The following MYO18A variants were observed in gnomAD, a reference collection of about 807,000 sequenced individuals.
MYO18A encodes the protein unconventional myosin-XVIIIa.
Under a neutral mutation model 235.8 loss-of-function variants are expected in MYO18A, and 78 were observed. The observed-to-expected ratio is 0.33, with a 90% CI of 0.28 to 0.40. MYO18A has a LOEUF of 0.40. MYO18A is among the 10% of genes least tolerant of loss of function. MYO18A has a pLI of 1.00. For missense variants in MYO18A, 2,215 were observed against 2,699.3 expected (o/e 0.82, Z 3.98); for synonymous variants, 977 against 1,077.8 (o/e 0.91, Z 1.83).
chr17:29,074,238 C>A lies in MYO18A; in HGVS notation c.*532G>T. ...TTGGGAGCCCCAGCTACCACTACAG[C>A]CCCCTCCCACTCTCAGGGATGCAGC... On this transcript the variant is annotated 3_prime_UTR_variant, in exon 42 of 42. Transcript: ENST00000527372. This position sits in a 1 kb window ranked among gnomAD's most constrained non-coding sequence, Gnocchi z 4.4. 6.6e-7 allele frequency: 1 copy of A among 1,526,594 alleles called. No individual in the cohort carries two copies. Among genetic ancestry groups the A allele is most frequent in the Non-Finnish European group, 8.9e-7 (1 of 1,126,024 alleles). 94.6% of individuals were successfully genotyped at this position (1,526,594 alleles called of 1,614,324 possible).
In MYO18A at chr17:29,170,779, G is replaced by C. The variant is rs1410901233; in HGVS notation, c.-81-3758C>G. ...TCAGCTGCTCTATCACTTTAAGAGA[G>C]TAAGCATCCCGAAGGCAATGACCAT... On this transcript the variant is annotated intron_variant, in intron 1 of 41. Transcript: ENST00000527372. Among the ~76,000 whole-genome samples the C allele has an allele frequency of 3.3e-5, 5 of 152,202 alleles. No individual in the cohort carries two copies. The East Asian group carries it at 9.6e-4, about 29-fold the overall frequency.
intron 23 of MYO18A, 132 bp from the exon 24 acceptor site, chr17:29,098,577 T>C (rs2066579244): frequency 8.9e-6 from 10 of 1,128,968 alleles, no homozygotes; most frequent in South Asian, 5.6e-5. Context: ...ATGTCCCCAA[T>C]AGCAGAGCCA....
chr17:29,084,437 G>T, intron 40 of MYO18A, among the ~76,000 whole-genome samples: 1 of 152,198 alleles, frequency 6.6e-6, no homozygotes, highest in East Asian at 1.9e-4. Flanking sequence ...GCATCTAGAA[G>T]ATGTTCTTTT....
In MYO18A at chr17:29,140,698, A is replaced by T. The variant is rs2067718738; in HGVS notation, c.1000-18445T>A. ...CCCCAGCTCCGGGACAGCTGGGCTG[A>T]TATGGCTCCTAAAAATAGCAGAGGA... On this transcript the variant is annotated intron_variant, in intron 2 of 41. Transcript: ENST00000527372. The surrounding 1 kb of genome is among the most constrained non-coding windows in gnomAD (Gnocchi z 4.2). Among the ~76,000 whole-genome samples the T allele has an allele frequency of 6.6e-6, 1 of 151,892 alleles. No homozygotes were observed. Among genetic ancestry groups the T allele is most frequent in the Non-Finnish European group, 1.5e-5 (1 of 67,962 alleles).
rs115547998 is a variant in MYO18A, at chr17:29,074,839, T to C, written c.6096A>G (p.Arg2032=). 4.1e-4 allele frequency: 662 copies of C among 1,613,814 alleles called. 1 individual carries two copies. The African/African-American group carries it at 7.7e-3, about 19-fold the overall frequency. Residue 2032 remains arginine, a synonymous_variant, in exon 42 of 42, where the codon AGA becomes AGG. Transcript: ENST00000527372. This position sits in a 1 kb window ranked among gnomAD's most constrained non-coding sequence, Gnocchi z 4.4. ...DEHDPLDNTS[R]PRYSHSYLSD... ...TCAGATAACTGTGGGAGTATCGCGG[T>C]CTGGAGGTGTTGTCGAGAGGGTCGT...
intron 2 of MYO18A, among the ~76,000 whole-genome samples, chr17:29,144,762 T>C (rs1229195187): frequency 3.9e-5 from 6 of 152,188 alleles, no homozygotes; most frequent in Non-Finnish European, 1.5e-5. Context: ...ATACATACGG[T>C]TCTTGGTTAT....
At chr17:29,146,236 C>T (rs1464479053) in intron 2 of MYO18A, among the ~76,000 whole-genome samples, 10 of 151,270 alleles carry the variant, frequency 6.6e-5, no homozygotes, top group African/African-American at 2.0e-4. Flanking sequence ...CCAGCCCGGG[C>T]GACAGAGAGA....
Position 29,166,231 on chromosome 17 carries a change from C to G in MYO18A, c.710G>C (p.Arg237Pro). The change falls in exon 2 of 42, where the codon CGC becomes CCC. Residue 237 changes from arginine (R) to proline (P), a missense_variant. By Grantham distance (103) the Arg-to-Pro change is moderately radical. Coordinates refer to ENST00000527372, the MANE Select transcript of MYO18A (RefSeq NM_078471.4). ...PTGDFGFSLR[R>P]TTMLDRGPEG... ...GGGGCCCCGATCCAGCATGGTTGTGCGCCGCAGGGAGAAGCCAAAGTCTCC... is the reference window on the plus strand; with the variant it reads ...GGGGCCCCGATCCAGCATGGTTGTGGGCCGCAGGGAGAAGCCAAAGTCTCC... 1 of 1,612,920 alleles carries G rather than the reference C, an allele frequency of 6.2e-7. No homozygotes were observed. Among genetic ancestry groups the G allele is most frequent in the South Asian group, 1.1e-5 (1 of 91,084 alleles).
At chr17:29,086,266 G>A (rs1326884092) in intron 39 of MYO18A, among the ~76,000 whole-genome samples, 172 bp downstream of exon 39, 2 of 152,306 alleles carry the variant, frequency 1.3e-5, no homozygotes, top group African/African-American at 2.4e-5. Flanking sequence ...CTGTCTCACC[G>A]TCTGCCCCTG....
chr17:29,178,276 G>A (rs1344585908), intron 1 of MYO18A, among the ~76,000 whole-genome samples: 1 of 152,152 alleles, frequency 6.6e-6, no homozygotes, highest in East Asian at 1.9e-4. Flanking sequence ...TCTGGCACCT[G>A]GGCCAGGCCA....
chr17:29,146,150 C>T (rs536612640), intron 2 of MYO18A, among the ~76,000 whole-genome samples: 61 of 152,210 alleles, frequency 4.0e-4, no homozygotes, highest in African/African-American at 1.5e-3. Context: ...CCCAGCTACT[C>T]AGGAGGCTGA....
At chr17:29,102,257 G>A (rs552524360) in intron 21 of MYO18A, among the ~76,000 whole-genome samples, 2 of 152,326 alleles carry the variant, frequency 1.3e-5, no homozygotes, top group African/African-American at 4.8e-5. Context: ...CCCTTCCCAA[G>A]ATAGGCCTGG....
At chr17:29,094,606 G>A (rs754057789) in intron 30 of MYO18A, 44 bp downstream of exon 30, 5 of 1,598,410 alleles carry the variant, frequency 3.1e-6, no homozygotes, top group African/African-American at 2.7e-5. Context: ...GATGGTGGCG[G>A]CCTCGCTGCA....
At chr17:29,087,161 C>A in intron 37 of MYO18A, 40 bp from the exon 38 acceptor site, 1 of 1,583,020 alleles carries the variant, frequency 6.3e-7, no homozygotes. Flanking sequence ...AGCAGGCAGG[C>A]CCATCAGCCA....
At chr17:29,107,603 TAAAAA>T (rs35996808) in intron 19 of MYO18A, 3 of 102,846 alleles carry the variant, frequency 2.9e-5, no homozygotes, top group Admixed American at 1.0e-4. Context: ...CTTATGGTCT[TAAAAA>T]AAAAAAAAAA....
intron 26 of MYO18A, 50 bp downstream of exon 26, chr17:29,097,738 C>A: frequency 2.0e-6 from 3 of 1,515,136 alleles, no homozygotes; most frequent in Non-Finnish European, 2.7e-6. Flanking sequence ...GGGTGGGCAT[C>A]AGGGCTCGCA....
intron 40 of MYO18A, among the ~76,000 whole-genome samples, chr17:29,083,506 C>CACACACA (rs2066168985): frequency 1.3e-5 from 1 of 75,922 alleles, no homozygotes; most frequent in African/African-American, 6.9e-5. Flanking sequence ...AAATAAACAG[C>CACACACA]CACACAGGCA....
chr17:29,170,520 C>A (rs1476188195), intron 1 of MYO18A, among the ~76,000 whole-genome samples: 2 of 152,122 alleles, frequency 1.3e-5, no homozygotes, highest in African/African-American at 4.8e-5. Flanking sequence ...ACCCCCTATC[C>A]CGGGCTGCAG....
chr17:29,169,982 T>C (rs2068366026), intron 1 of MYO18A, among the ~76,000 whole-genome samples: 1 of 152,184 alleles, frequency 6.6e-6, no homozygotes, highest in African/African-American at 2.4e-5. Context: ...CAGCAGACGG[T>C]CACAGCAGCA....
Sources: gnomAD v4.1 joint callset for allele counts (sites outside exome capture counted in the v4.1 genomes callset) on GRCh38, gnomAD v4.1.1 for gene constraint, Gnocchi (gnomAD v3.1) non-coding constraint, MANE v1.5 for transcripts, NCBI Gene and HGNC (gene_info 2026-07-23, HGNC 2026-07-21) for gene names.